Variants in MARCHF7 observed in about 807,000 individuals in gnomAD.
MARCHF7 encodes the protein membrane associated ring-CH-type finger 7.
In MARCHF7, 20 loss-of-function variants were observed where a neutral mutation model predicts 76.5. That is an observed-to-expected ratio of 0.26 (90% CI 0.18 to 0.38). The LOEUF (loss-of-function observed/expected upper bound fraction) is 0.38, where lower values mean the gene tolerates loss of function less well. Among genes scored for constraint, MARCHF7 ranks in the 10% least tolerant of loss-of-function variants. MARCHF7 has a pLI of 1.00. For missense variants in MARCHF7, 797 were observed against 812.9 expected (o/e 0.98, Z 0.24); for synonymous variants, 295 against 293.0 (o/e 1.01, Z -0.07).
At chr2:159,734,498 A>G (rs1703217022) in intron 4 of MARCHF7, among the ~76,000 whole-genome samples, 1 of 152,206 alleles carries the variant, frequency 6.6e-6, no homozygotes, top group Non-Finnish European at 1.5e-5. Context: ...ACAGTTTAAA[A>G]TAGGATAAGG....
At chr2:159,743,991 T>C (rs1485076733) in intron 5 of MARCHF7, among the ~76,000 whole-genome samples, 6 of 42,586 alleles carry the variant, frequency 1.4e-4, no homozygotes, top group Middle Eastern at 7.8e-3. Flanking sequence ...TTTTTTTTTT[T>C]TTTTTTTTTT....
At chr2:159,726,249 G>A (rs1702156398) in intron 3 of MARCHF7, among the ~76,000 whole-genome samples, 1 of 150,598 alleles carries the variant, frequency 6.6e-6, no homozygotes, top group South Asian at 2.1e-4. Context: ...GTTTTGTTTT[G>A]TTTTGTTTTG....
Position 159,747,849 on chromosome 2 carries a change from A to G in MARCHF7, c.559A>G (p.Lys187Glu). 6.2e-7 allele frequency: 1 copy of G among 1,609,726 alleles called. No homozygotes were observed. Among genetic ancestry groups the G allele is most frequent in the Non-Finnish European group, 8.5e-7 (1 of 1,178,918 alleles). ...VPSYSQGARP[K>E]ENSMSTLQLN... is the part of the protein sequence containing the mutation. The stretch of plus-strand genomic sequence containing the variant: ...TTCATATTCACAAGGAGCAAGACCA[A>G]AAGAAAACTCAATGAGCACTTTACA... The change falls in exon 7 of 12, where the codon AAA becomes GAA. Residue 187 changes from lysine to glutamate, a missense_variant. Physicochemically the swap from Lys to Glu is moderately conservative, Grantham distance 56. Coordinates refer to ENST00000409175, the MANE Select transcript of MARCHF7 (RefSeq NM_001282805.2).
intron 8 of MARCHF7, among the ~76,000 whole-genome samples, chr2:159,753,150 C>A (rs957213427): frequency 1.3e-5 from 2 of 152,072 alleles, no homozygotes; most frequent in African/African-American, 2.4e-5. Flanking sequence ...AGGGGAAGAG[C>A]ACTCTAGCAT....
chr2:159,753,833 T>C (rs1490777723), intron 8 of MARCHF7, among the ~76,000 whole-genome samples: 1 of 152,138 alleles, frequency 6.6e-6, no homozygotes, highest in African/African-American at 2.4e-5. Flanking sequence ...AGATAGATTC[T>C]GGTATATTTT....
At chr2:159,723,008 T>G (rs183088694) in intron 3 of MARCHF7, among the ~76,000 whole-genome samples, 2 of 152,358 alleles carry the variant, frequency 1.3e-5, no homozygotes, top group African/African-American at 4.8e-5. Context: ...GTTATAGAAC[T>G]TAATATTGAC....
intron 4 of MARCHF7, chr2:159,733,013 G>T (rs1192578566): frequency 2.9e-6 from 2 of 698,558 alleles, no homozygotes; most frequent in African/African-American, 3.9e-5. Context: ...ATAGTATAGG[G>T]GTTCAGGTGT....
rs768584188 is a variant in MARCHF7 at position 159,732,185 on chromosome 2, T to G, written c.153+3010T>G. Among the ~76,000 whole-genome samples the G allele has an allele frequency of 3.3e-5, 5 of 152,324 alleles. No homozygotes were observed. In the South Asian group the frequency reaches 1.0e-3, roughly 32 times the overall value. On this transcript the variant is annotated intron_variant, in intron 4 of 11. Coordinates refer to ENST00000409175, the MANE Select transcript of MARCHF7 (RefSeq NM_001282805.2). ...AAAATGACCCCACCTAAATGATGGT[T>G]GTAGTAACATATTAGTGTTGATTTC...
intron 8 of MARCHF7, among the ~76,000 whole-genome samples, chr2:159,756,199 G>A (rs1284170597): frequency 6.6e-6 from 1 of 152,142 alleles, no homozygotes; most frequent in Non-Finnish European, 1.5e-5. Context: ...ACACACAATT[G>A]AATTATTAGT....
intron 3 of MARCHF7, among the ~76,000 whole-genome samples, chr2:159,719,076 G>C (rs1001341721): frequency 6.6e-6 from 1 of 152,148 alleles, no homozygotes; most frequent in Non-Finnish European, 1.5e-5. Flanking sequence ...CCCAGGCTCA[G>C]GCAATTCTCC....
At chr2:159,744,140 A>T (rs1704542710) in intron 5 of MARCHF7, among the ~76,000 whole-genome samples, 1 of 150,970 alleles carries the variant, frequency 6.6e-6, no homozygotes, top group Non-Finnish European at 1.5e-5. Flanking sequence ...GGCGCCCGCC[A>T]CTACGCCCGG....
intron 4 of MARCHF7, among the ~76,000 whole-genome samples, chr2:159,731,221 C>T (rs901296320): frequency 1.3e-5 from 2 of 152,062 alleles, no homozygotes; most frequent in Non-Finnish European, 2.9e-5. Context: ...CTACTTTATC[C>T]AGTTGTTATA....
At chr2:159,760,077 A>G (rs144181346) in intron 9 of MARCHF7, among the ~76,000 whole-genome samples, 3 of 152,348 alleles carry the variant, frequency 2.0e-5, no homozygotes, top group East Asian at 3.9e-4. Flanking sequence ...CATCACTCCA[A>G]AAGAAAACCC....
intron 7 of MARCHF7, among the ~76,000 whole-genome samples, chr2:159,749,784 C>T (rs1280348906): frequency 3.3e-5 from 5 of 151,984 alleles, no homozygotes; most frequent in Non-Finnish European, 7.4e-5. Flanking sequence ...GTTATTTTAA[C>T]CGGGTTGGAA....
chr2:159,713,643 A>G lies in MARCHF7; in HGVS notation c.-142-914A>G, dbSNP rs184821882. Among the ~76,000 whole-genome samples, 14 of 152,348 alleles carry G rather than the reference A, an allele frequency of 9.2e-5. No individual in the cohort carries two copies. The Middle Eastern group carries it at 0.01, about 111-fold the overall frequency. ...TATTAAGAAGGCACACATGTAGTGTAACTAGATCTTTTACTTGAGGTAGCA... is the reference window on the plus strand; with the variant it reads ...TATTAAGAAGGCACACATGTAGTGTGACTAGATCTTTTACTTGAGGTAGCA... On this transcript the variant is annotated intron_variant, in intron 1 of 11. Transcript: ENST00000409175.
At position 159,762,019 on chromosome 2, in the gene MARCHF7, C is replaced by G. The variant is rs564327500; in HGVS notation, c.1894-861C>G. On this transcript the variant is annotated intron_variant, in intron 9 of 11. Transcript: ENST00000409175. ...CATTCTCATCTCACTCTCCCTTGAG[C>G]TAAATACGCCACTTGCTTTGGGGCC... Among the ~76,000 whole-genome samples the G allele has an allele frequency of 3.3e-5, 5 of 152,294 alleles. No individual in the cohort carries two copies. In the South Asian group the frequency reaches 1.0e-3, roughly 32 times the overall value.
At chr2:159,764,405 T>TA (rs1432111501) in intron 10 of MARCHF7, among the ~76,000 whole-genome samples, 2 of 152,042 alleles carry the variant, frequency 1.3e-5, no homozygotes, top group Admixed American at 1.3e-4. Context: ...CTCCCAATTT[T>TA]AAAAAACTGG....
At chr2:159,764,876 AG>A (rs1707576697) in intron 11 of MARCHF7, among the ~76,000 whole-genome samples, 1 of 151,018 alleles carries the variant, frequency 6.6e-6, no homozygotes, top group South Asian at 2.1e-4. Context: ...AAGGTATGGA[AG>A]CATGTAATTT....
At chr2:159,717,008 A>G (rs1389064568) in intron 3 of MARCHF7, among the ~76,000 whole-genome samples, 1 of 152,210 alleles carries the variant, frequency 6.6e-6, no homozygotes, top group African/African-American at 2.4e-5. Flanking sequence ...ATGTACCAGC[A>G]TTCAGCTGGA....
Sources: gnomAD v4.1 joint callset for allele counts (sites outside exome capture counted in the v4.1 genomes callset) on GRCh38, gnomAD v4.1.1 for gene constraint, MANE v1.5 for transcripts, NCBI Gene and HGNC (gene_info 2026-07-23, HGNC 2026-07-21) for gene names.